The following PACS1 variants were observed in gnomAD, a reference collection of about 807,000 sequenced individuals.
PACS1 encodes the protein phosphofurin acidic cluster sorting protein 1, also known as PACS-1.
In PACS1, 24 loss-of-function variants were observed where a neutral mutation model predicts 115.0. The observed-to-expected ratio is 0.21, with a 90% CI of 0.15 to 0.29. PACS1 has a LOEUF of 0.29. Among genes scored for constraint, PACS1 ranks in the 10% least tolerant of loss-of-function variants. The pLI is 1.00. For missense variants in PACS1, 838 were observed against 1,251.2 expected, an observed-to-expected ratio of 0.67 and a Z score of 4.98; for synonymous variants, 453 against 504.5, an observed-to-expected ratio of 0.90 and a Z score of 1.37.
At chr11:66,153,519 C>A (rs111382846) in intron 1 of PACS1, among the ~76,000 whole-genome samples, 6 of 152,068 alleles carry the variant, frequency 3.9e-5, no homozygotes, top group African/African-American at 1.4e-4. Flanking sequence ...CGGTGGCTCA[C>A]GCCTGTAATC....
chr11:66,171,731 C>T (rs964416441), intron 1 of PACS1, among the ~76,000 whole-genome samples: 3 of 150,000 alleles, frequency 2.0e-5, no homozygotes, highest in African/African-American at 7.6e-5. Context: ...AGGCGCCCAC[C>T]ACCACGCCCC....
chr11:66,176,244 C>G lies in PACS1; in HGVS notation c.357-17242C>G, dbSNP rs1041986848. Among the ~76,000 whole-genome samples, 6 of 152,284 alleles carry G rather than the reference C, an allele frequency of 3.9e-5. No individual in the cohort carries two copies. In the South Asian group the frequency reaches 6.2e-4, roughly 16 times the overall value. On this transcript the variant is annotated intron_variant, in intron 1 of 23. Transcript: ENST00000320580. ...AACAAACCACCCCACCTAGCTCCAT[C>G]TCTGGTAGTCTGCAATGTCTGTTGT...
In PACS1 at chr11:66,233,677, G is replaced by A; in HGVS notation, c.1839-108G>A. 2 of 1,065,458 alleles carry A rather than the reference G, an allele frequency of 1.9e-6. No individual in the cohort carries two copies. Among genetic ancestry groups the A allele is most frequent in the East Asian group, 2.5e-5 (1 of 40,694 alleles). 66.0% of individuals were successfully genotyped at this position (1,065,458 alleles called of 1,614,324 possible). The stretch of plus-strand genomic sequence containing the variant: ...TCTGTTTTATTTTGTGGATTGGTTT[G>A]CTTTTCCCCTGTGGGTTGTTGAGAT... On this transcript the variant is annotated intron_variant, in intron 15 of 23. Coordinates refer to ENST00000320580, the MANE Select transcript of PACS1 (RefSeq NM_018026.4). The surrounding 1 kb of genome is among the most constrained non-coding windows in gnomAD (Gnocchi z 4.5).
intron 21 of PACS1, 117 bp from the exon 22 acceptor site, chr11:66,241,310 G>A: frequency 1.4e-6 from 1 of 697,008 alleles, no homozygotes; most frequent in East Asian, 2.7e-5. Context: ...AGGGAACAGA[G>A]CTGCAGCCTT....
intron 1 of PACS1, among the ~76,000 whole-genome samples, chr11:66,110,033 C>T (rs1429708093): frequency 2.0e-5 from 3 of 152,160 alleles, no homozygotes; most frequent in East Asian, 1.9e-4. Flanking sequence ...CCCCTCTCAA[C>T]GGGACACACA....
chr11:66,139,834 A>G (rs556614146), intron 1 of PACS1, among the ~76,000 whole-genome samples: 2 of 152,262 alleles, frequency 1.3e-5, no homozygotes, highest in South Asian at 4.1e-4. Flanking sequence ...CCTCTTTTCT[A>G]TACTGATTTC....
At chr11:66,225,028 T>C (rs1292575292) in intron 10 of PACS1, among the ~76,000 whole-genome samples, 1 of 152,196 alleles carries the variant, frequency 6.6e-6, no homozygotes, top group Non-Finnish European at 1.5e-5. Context: ...CATAATTTGG[T>C]TCTCCAAGCT....
chr11:66,230,680 G>A lies in PACS1; in HGVS notation c.1490+17G>A. On this transcript the variant is annotated intron_variant, in intron 12 of 23. Transcript: ENST00000320580. The stretch of plus-strand genomic sequence containing the variant: ...CTCCCCCAGGTACTGCAGATGGAAA[G>A]GAAGCAGGGGGTACAGCCTGCAGCT... 2 of 1,610,888 alleles carry A rather than the reference G, an allele frequency of 1.2e-6. No homozygotes were observed. Among genetic ancestry groups the A allele is most frequent in the Non-Finnish European group, 1.7e-6 (2 of 1,176,986 alleles).
At chr11:66,075,473 C>A in intron 1 of PACS1, among the ~76,000 whole-genome samples, 1 of 152,112 alleles carries the variant, frequency 6.6e-6, no homozygotes, top group Non-Finnish European at 1.5e-5. Flanking sequence ...AACTCCTGGG[C>A]TCAAGTGATC....
chr11:66,235,881 C>G lies in PACS1; in HGVS notation c.2208-17C>G. On this transcript the variant is annotated splice_polypyrimidine_tract_variant and intron_variant, in intron 18 of 23. Transcript: ENST00000320580. The surrounding 1 kb of genome is among the most constrained non-coding windows in gnomAD (Gnocchi z 5.6). ...TCTCTCCTACTAACTATGAAGCTCT[C>G]CTGTGTCTCCCAACAGCCCTGATGA... 2 of 1,611,318 alleles carry G rather than the reference C, an allele frequency of 1.2e-6. No homozygotes were observed. The highest frequency in any genetic ancestry group is 1.7e-6 in the Non-Finnish European group (2 of 1,177,406).
At chr11:66,177,268 G>C (rs1276115442) in intron 1 of PACS1, among the ~76,000 whole-genome samples, 1 of 152,014 alleles carries the variant, frequency 6.6e-6, no homozygotes, top group African/African-American at 2.4e-5. Flanking sequence ...ATTGAAAGTG[G>C]TGCATCCACC....
At chr11:66,145,881 A>G (rs1423202415) in intron 1 of PACS1, among the ~76,000 whole-genome samples, 1 of 152,210 alleles carries the variant, frequency 6.6e-6, no homozygotes, top group Non-Finnish European at 1.5e-5. Context: ...CAAGAATTTG[A>G]AAAGAAAAAC....
intron 1 of PACS1, among the ~76,000 whole-genome samples, chr11:66,137,686 A>G (rs1464396160): frequency 2.6e-5 from 4 of 152,164 alleles, no homozygotes; most frequent in African/African-American, 4.8e-5. Flanking sequence ...AGGGGTGACA[A>G]TAATATTGGC....
At chr11:66,237,962 A>G (rs1855738039) in intron 19 of PACS1, 3 of 646,762 alleles carry the variant, frequency 4.6e-6, no homozygotes, top group Non-Finnish European at 5.8e-6. Context: ...TCGCCCCATC[A>G]GGGTCCAGCC....
intron 1 of PACS1, among the ~76,000 whole-genome samples, chr11:66,174,050 CA>C (rs996059584): frequency 6.6e-4 from 89 of 135,074 alleles, no homozygotes; most frequent in Non-Finnish European, 5.3e-4. Context: ...GACTCTGTCT[CA>C]AAAAAAAAAA....
At chr11:66,176,710 G>C (rs1422418957) in intron 1 of PACS1, among the ~76,000 whole-genome samples, 1 of 151,950 alleles carries the variant, frequency 6.6e-6, no homozygotes, top group African/African-American at 2.4e-5. Flanking sequence ...CATCATGCCC[G>C]GTCCATATAC....
chr11:66,144,850 G>A (rs1329602401), intron 1 of PACS1, among the ~76,000 whole-genome samples: 1 of 152,166 alleles, frequency 6.6e-6, no homozygotes, highest in African/African-American at 2.4e-5. Flanking sequence ...GGCCAGGCTG[G>A]TCTCGAACTC....
intron 1 of PACS1, among the ~76,000 whole-genome samples, chr11:66,170,214 AT>A (rs1408784112): frequency 2.0e-5 from 3 of 150,394 alleles, no homozygotes; most frequent in African/African-American, 7.5e-5. Flanking sequence ...CTTAAGACTA[AT>A]ATATATATGC....
At chr11:66,239,601 T>C (rs990757188) in intron 21 of PACS1, among the ~76,000 whole-genome samples, 1 of 152,256 alleles carries the variant, frequency 6.6e-6, no homozygotes, top group Non-Finnish European at 1.5e-5. Context: ...CTTTCTGCCC[T>C]GTTTCACAGT....
Sources: allele counts gnomAD v4.1 joint callset (sites outside exome capture counted in the v4.1 genomes callset), GRCh38; gene constraint gnomAD v4.1.1; non-coding constraint Gnocchi (gnomAD v3.1); transcripts MANE v1.5; gene names NCBI Gene and HGNC (gene_info 2026-07-23, HGNC 2026-07-21).